PRIMA1: variants seen among roughly 807,000 people sequenced by gnomAD.
PRIMA1 encodes proline rich membrane anchor 1, also known as proline-rich membrane anchor 1.
Under a neutral mutation model 17.5 loss-of-function variants are expected in PRIMA1, and 7 were observed. That is an observed-to-expected ratio of 0.40 (90% confidence interval 0.23 to 0.75). The LOEUF is 0.75. PRIMA1 is among the 30% of genes least tolerant of loss of function. The pLI is 0.37. For synonymous variants in PRIMA1, 97 were observed against 77.9 expected, an observed-to-expected ratio of 1.25 and a Z score of -1.29; for missense variants, 200 against 201.8, an observed-to-expected ratio of 0.99 and a Z score of 0.05.
chr14:93,757,351 G>T (rs35944504), intron 3 of PRIMA1, among the ~76,000 whole-genome samples: 1 of 152,234 alleles, frequency 6.6e-6, no homozygotes, highest in Non-Finnish European at 1.5e-5. Context: ...CGTTCCCTTC[G>T]GAGGGATGGG....
At chr14:93,755,191 C>T (rs7143878) in intron 3 of PRIMA1, among the ~76,000 whole-genome samples, 43,556 of 152,050 alleles carry the variant, frequency 0.29, 7,721 homozygotes, top group Non-Finnish European at 0.39. Flanking sequence ...AGGAGGTAAC[C>T]GATTCCCATG....
At chr14:93,730,439 A>C (rs2076106835) in intron 4 of PRIMA1, among the ~76,000 whole-genome samples, 1 of 152,018 alleles carries the variant, frequency 6.6e-6, no homozygotes, top group Admixed American at 6.5e-5. Flanking sequence ...ACTCAACTGG[A>C]AGAAATGAGG....
At position 93,779,229 on chromosome 14, in the gene PRIMA1, G is replaced by A. The variant is rs550883370; in HGVS notation, c.176C>T (p.Pro59Leu). Residue 59 changes from proline (P) to leucine (L), a missense_variant, in exon 3 of 5, where the codon CCG becomes CTG. By Grantham distance (98) the Pro-to-Leu change is moderately conservative (BLOSUM62 -3). Coordinates refer to ENST00000393140, the MANE Select transcript of PRIMA1 (RefSeq NM_178013.4). ...RHVCQCRPPP[P>L]LPPPPPPPPP... ...CGGGGGTGGGGGCGGCGGGGGCAGC[G>A]GGGGAGGGGGCCGGCACTGGCAGAC... 33 of 1,458,116 alleles carry A rather than the reference G, an allele frequency of 2.3e-5. No homozygotes were observed. The highest frequency in any genetic ancestry group is 1.5e-4 in the African/African-American group (10 of 67,076). The allele number at this position is 1,458,116 out of a possible 1,614,324, so 90.3% of individuals were successfully genotyped here. A position where few individuals can be genotyped will look rare whatever the true frequency, so the allele number is the denominator to read the frequency against.
At chr14:93,752,310 G>A (rs1285697546) in intron 3 of PRIMA1, among the ~76,000 whole-genome samples, 2 of 152,146 alleles carry the variant, frequency 1.3e-5, no homozygotes, top group Admixed American at 6.5e-5. Flanking sequence ...ACAGAGCTGC[G>A]AGTAAAGTCA....
At chr14:93,759,515 G>A (rs1056495746) in intron 3 of PRIMA1, among the ~76,000 whole-genome samples, 2 of 152,124 alleles carry the variant, frequency 1.3e-5, no homozygotes, top group African/African-American at 4.8e-5. Flanking sequence ...GTGCATGTGT[G>A]TGTGCGTGTG....
At chr14:93,767,723 G>A (rs1449106561) in intron 3 of PRIMA1, among the ~76,000 whole-genome samples, 4 of 152,166 alleles carry the variant, frequency 2.6e-5, no homozygotes, top group African/African-American at 9.7e-5. Context: ...CCGAGCACCT[G>A]CCTCATGCTA....
At chr14:93,774,052 A>G (rs1312355435) in intron 3 of PRIMA1, among the ~76,000 whole-genome samples, 1 of 152,214 alleles carries the variant, frequency 6.6e-6, no homozygotes, top group Non-Finnish European at 1.5e-5. Context: ...AGATCACAGC[A>G]CCGCACTTCA....
intron 2 of PRIMA1, among the ~76,000 whole-genome samples, chr14:93,779,859 T>G (rs769152782): frequency 6.6e-6 from 1 of 152,348 alleles, no homozygotes; most frequent in East Asian, 1.9e-4. Context: ...CCTCTACTCC[T>G]GTGTCCCACG....
intron 3 of PRIMA1, among the ~76,000 whole-genome samples, chr14:93,755,943 T>G (rs1286710656): frequency 6.6e-6 from 1 of 152,200 alleles, no homozygotes; most frequent in Non-Finnish European, 1.5e-5. Flanking sequence ...GTGGCCCTAC[T>G]CTTCCCCACC....
At chr14:93,751,190 A>G (rs1047078032) in intron 3 of PRIMA1, among the ~76,000 whole-genome samples, 1 of 152,160 alleles carries the variant, frequency 6.6e-6, no homozygotes, top group South Asian at 2.1e-4. Flanking sequence ...GGTCTGCACT[A>G]GGGCTGCCAG....
At chr14:93,756,045 A>G (rs1595210057) in intron 3 of PRIMA1, among the ~76,000 whole-genome samples, 1 of 152,090 alleles carries the variant, frequency 6.6e-6, no homozygotes, top group African/African-American at 2.4e-5. Flanking sequence ...GAGCCCTGTG[A>G]GATGCCAATT....
intron 2 of PRIMA1, among the ~76,000 whole-genome samples, chr14:93,782,390 G>A (rs529178175): frequency 9.2e-5 from 14 of 152,336 alleles, no homozygotes; most frequent in African/African-American, 2.6e-4. Context: ...AGACTGAGGC[G>A]GGCGGATCAT....
Position 93,719,357 on chromosome 14 carries a change from T to C in PRIMA1, c.*2087A>G, listed in dbSNP as rs1170407327. On this transcript the variant is annotated 3_prime_UTR_variant, in exon 5 of 5. Coordinates refer to ENST00000393140, the MANE Select transcript of PRIMA1 (RefSeq NM_178013.4). ...AGGGAATGATGGGACCAGGCGAGTG[T>C]GCGCAAAGCTGGGCTGTGCCCAGCC... is the stretch of plus-strand genomic sequence containing the variant. 1 of 152,214 alleles carries C rather than the reference T, an allele frequency of 6.6e-6. No homozygotes were observed. The highest frequency in any genetic ancestry group is 1.9e-4 in the East Asian group (1 of 5,192). 9.4% of individuals were successfully genotyped at this position (152,214 alleles called of 1,614,324 possible). A position where few individuals can be genotyped will look rare whatever the true frequency, so the allele number is the denominator to read the frequency against.
In PRIMA1 at chr14:93,721,444, T is replaced by A; in HGVS notation, c.462A>T (p.Ter154CysextTer41). 6.2e-7 allele frequency: 1 copy of A among 1,607,006 alleles called. No homozygotes were observed. The highest frequency in any genetic ancestry group is 8.5e-7 in the Non-Finnish European group (1 of 1,173,874). ...KGVDVNNAVV* is the reference protein window; with the variant it reads ...KGVDVNNAVVC ...GCCAGCGGGTCCAGGGCCTGCAGAC[T>A]CACACCACTGCGTTGTTCACGTCTA... is the stretch of plus-strand genomic sequence containing the variant. Residue 154 changes from the stop codon to cysteine, a stop_lost, in exon 5 of 5, where the codon TGA (stop) becomes TGT (cysteine). Coordinates refer to ENST00000393140, the MANE Select transcript of PRIMA1 (RefSeq NM_178013.4).
intron 3 of PRIMA1, among the ~76,000 whole-genome samples, chr14:93,754,670 C>T (rs1280054294): frequency 1.3e-5 from 2 of 152,224 alleles, no homozygotes; most frequent in Non-Finnish European, 2.9e-5. Context: ...AGTTCTTCCC[C>T]TTTAATTCCT....
At chr14:93,765,527 T>C (rs1884869960) in intron 3 of PRIMA1, among the ~76,000 whole-genome samples, 1 of 151,042 alleles carries the variant, frequency 6.6e-6, no homozygotes, top group Admixed American at 6.6e-5. Flanking sequence ...CTGAACATAT[T>C]ATTCCTTTTG....
chr14:93,747,924 AG>A (rs1465061032), intron 3 of PRIMA1, among the ~76,000 whole-genome samples: 1 of 15,118 alleles, frequency 6.6e-5, no homozygotes, highest in Non-Finnish European at 3.8e-4. Flanking sequence ...GACTGTGTGG[AG>A]TGTGATTATG....
At chr14:93,774,652 G>C (rs1885156996) in intron 3 of PRIMA1, among the ~76,000 whole-genome samples, 2 of 152,240 alleles carry the variant, frequency 1.3e-5, no homozygotes, top group South Asian at 4.1e-4. Flanking sequence ...TTCTACCTGG[G>C]AATTCTCCCA....
intron 4 of PRIMA1, among the ~76,000 whole-genome samples, chr14:93,728,719 T>C (rs572508166): frequency 1.3e-5 from 2 of 152,300 alleles, no homozygotes; most frequent in South Asian, 4.1e-4. Flanking sequence ...GGGATCCGTC[T>C]GGGTCTCCCA....
Sources: allele counts gnomAD v4.1 joint callset (sites outside exome capture counted in the v4.1 genomes callset), GRCh38; gene constraint gnomAD v4.1.1; transcripts MANE v1.5; gene names NCBI Gene and HGNC (gene_info 2026-07-23, HGNC 2026-07-21).